DENND1A: variants seen among roughly 807,000 people sequenced by gnomAD.
DENND1A encodes the protein DENN domain containing 1A, also known as DENN domain-containing protein 1A.
Under a neutral mutation model 113.7 loss-of-function variants are expected in DENND1A, and 51 were observed. The observed-to-expected ratio is 0.45, with a 90% CI of 0.36 to 0.57. The LOEUF (loss-of-function observed/expected upper bound fraction) is 0.57. Ranked by LOEUF, DENND1A falls within the 20% of genes least tolerant of loss-of-function variation. DENND1A has a pLI of 0.00. For synonymous variants in DENND1A, 565 were observed against 570.8 expected (o/e 0.99, Z 0.14); for missense variants, 1,258 against 1,395.9 (o/e 0.90, Z 1.57).
intron 2 of DENND1A, among the ~76,000 whole-genome samples, chr9:123,870,003 C>CAAAAAAAA (rs11430845): frequency 2.5e-5 from 2 of 78,592 alleles, no homozygotes; most frequent in Admixed American, 1.5e-4. Context: ...GACCCTGTCT[C>CAAAAAAAA]AAAAAAAAAA....
chr9:123,579,704 G>A (rs574895709), intron 12 of DENND1A, among the ~76,000 whole-genome samples: 5 of 152,290 alleles, frequency 3.3e-5, no homozygotes, highest in African/African-American at 7.2e-5. Flanking sequence ...TAAGGTCAAC[G>A]ATGGATAGGC....
chr9:123,917,813 A>C (rs1466374357), intron 1 of DENND1A, among the ~76,000 whole-genome samples: 2 of 152,208 alleles, frequency 1.3e-5, no homozygotes, highest in East Asian at 1.9e-4. Flanking sequence ...GAGCTATTAG[A>C]AACTACTGGG....
chr9:123,649,567 T>C (rs1190960290), intron 9 of DENND1A, among the ~76,000 whole-genome samples: 1 of 152,236 alleles, frequency 6.6e-6, no homozygotes, highest in Non-Finnish European at 1.5e-5. Context: ...ATGAGTGTTT[T>C]ATCTGGAAAA....
intron 11 of DENND1A, among the ~76,000 whole-genome samples, chr9:123,593,360 G>A (rs1363622424): frequency 2.6e-5 from 4 of 152,144 alleles, no homozygotes; most frequent in Non-Finnish European, 4.4e-5. Context: ...TCTGGGTGAC[G>A]CCTAAAGCCA....
intron 2 of DENND1A, among the ~76,000 whole-genome samples, chr9:123,835,386 G>A (rs1176136640): frequency 2.0e-5 from 3 of 152,102 alleles, no homozygotes; most frequent in Admixed American, 2.0e-4. Context: ...ACATATGGCA[G>A]CAAAATGATA....
chr9:123,925,011 C>T (rs1856858043), intron 1 of DENND1A, among the ~76,000 whole-genome samples: 1 of 152,178 alleles, frequency 6.6e-6, no homozygotes, highest in Non-Finnish European at 1.5e-5. Flanking sequence ...ATAGGACAGT[C>T]GCTCCCATCA....
At chr9:123,703,697 G>T (rs998838962) in intron 5 of DENND1A, among the ~76,000 whole-genome samples, 3 of 152,010 alleles carry the variant, frequency 2.0e-5, no homozygotes, top group African/African-American at 7.2e-5. Flanking sequence ...AGCAAAAGAA[G>T]CTAGACACAA....
intron 14 of DENND1A, 101 bp from the exon 15 acceptor site, chr9:123,457,536 A>G (rs2048218067): frequency 3.9e-6 from 4 of 1,021,914 alleles, no homozygotes; most frequent in Non-Finnish European, 4.5e-6. Flanking sequence ...GAGTTTTCAA[A>G]AAGTAAGGTT....
intron 12 of DENND1A, among the ~76,000 whole-genome samples, chr9:123,577,639 C>T (rs1388760828): frequency 6.6e-6 from 1 of 151,754 alleles, no homozygotes. Flanking sequence ...AGATTTCTTG[C>T]ACATCAGATT....
chr9:123,637,972 CA>C (rs1176259736), intron 9 of DENND1A, among the ~76,000 whole-genome samples: 7 of 151,144 alleles, frequency 4.6e-5, no homozygotes, highest in East Asian at 3.9e-4. Flanking sequence ...CACACACACA[CA>C]CCAAAAAAAC....
At chr9:123,560,776 T>C (rs1433926937) in intron 12 of DENND1A, among the ~76,000 whole-genome samples, 3 of 151,638 alleles carry the variant, frequency 2.0e-5, no homozygotes, top group Non-Finnish European at 4.4e-5. Flanking sequence ...GAGGGGACCA[T>C]GGAAAACAAT....
At chr9:123,755,194 C>T (rs548038847) in intron 5 of DENND1A, among the ~76,000 whole-genome samples, 5 of 151,188 alleles carry the variant, frequency 3.3e-5, no homozygotes, top group Admixed American at 3.3e-4. Flanking sequence ...ATGATCTCAG[C>T]TCACTGCAAC....
intron 5 of DENND1A, among the ~76,000 whole-genome samples, chr9:123,733,955 C>T (rs535846342): frequency 9.9e-5 from 15 of 152,066 alleles, no homozygotes; most frequent in Non-Finnish European, 1.5e-4. Flanking sequence ...CATGAGCCAC[C>T]GTGCCAGGCC....
At chr9:123,868,749 G>T (rs1300331847) in intron 2 of DENND1A, among the ~76,000 whole-genome samples, 1 of 152,158 alleles carries the variant, frequency 6.6e-6, no homozygotes, top group African/African-American at 2.4e-5. Context: ...TTTATACCCA[G>T]ATGGCCCCTA....
intron 2 of DENND1A, among the ~76,000 whole-genome samples, chr9:123,793,066 G>T (rs116919711): frequency 0.012 from 1,844 of 152,160 alleles, 14 homozygotes; most frequent in Non-Finnish European, 0.021. Flanking sequence ...ATTCTTTCAA[G>T]GAATAAATGC....
chr9:123,756,366 T>TG (rs1256303853), intron 5 of DENND1A, among the ~76,000 whole-genome samples: 1 of 152,086 alleles, frequency 6.6e-6, no homozygotes, highest in African/African-American at 2.4e-5. Flanking sequence ...GAAAGAGAAA[T>TG]TTTTCTTTAA....
chr9:123,488,097 G>A (rs2051046178), intron 13 of DENND1A, among the ~76,000 whole-genome samples: 2 of 152,226 alleles, frequency 1.3e-5, no homozygotes, highest in South Asian at 4.1e-4. Flanking sequence ...TCTCAAGGCA[G>A]ACACCATTAC....
Position 123,628,567 on chromosome 9 carries a change from G to A in DENND1A, c.719+1809C>T, listed in dbSNP as rs752164842. On this transcript the variant is annotated intron_variant, in intron 10 of 23. Transcript: ENST00000394215. ...ACACTCCCTGAGGAACAGAGCAAAC[G>A]CAAACATTTAATGTCACATGGTGAA... is the stretch of plus-strand genomic sequence containing the variant. Among the ~76,000 whole-genome samples the A allele has an allele frequency of 3.9e-5, 6 of 152,216 alleles. No homozygotes were observed. The East Asian group carries it at 5.8e-4, about 15-fold the overall frequency.
At chr9:123,428,116 C>T (rs2045880420) in intron 19 of DENND1A, among the ~76,000 whole-genome samples, 1 of 152,004 alleles carries the variant, frequency 6.6e-6, no homozygotes, top group Non-Finnish European at 1.5e-5. Context: ...CCAGCCTGGG[C>T]AACATGATGA....
Sources: allele counts gnomAD v4.1 joint callset (sites outside exome capture counted in the v4.1 genomes callset), GRCh38; gene constraint gnomAD v4.1.1; transcripts MANE v1.5; gene names NCBI Gene and HGNC (gene_info 2026-07-23, HGNC 2026-07-21).